The following JAK1 variants were observed in gnomAD, a reference collection of about 807,000 sequenced individuals.
The protein encoded by JAK1 is Janus kinase 1, also known as tyrosine-protein kinase JAK1.
JAK1 carries 16 observed loss-of-function variants against 136.6 expected under a neutral mutation model. The ratio of observed to expected loss-of-function variants is 0.12; its 90% confidence interval spans 0.08 to 0.18. JAK1 has a LOEUF of 0.18. Among genes scored for constraint, JAK1 ranks in the 10% least tolerant of loss-of-function variants. JAK1 has a pLI of 1.00. For synonymous variants in JAK1, 492 were observed against 519.5 expected, an observed-to-expected ratio of 0.95 and a Z score of 0.72; for missense variants, 859 against 1,450.1, an observed-to-expected ratio of 0.59 and a Z score of 6.62.
intron 2 of JAK1, among the ~76,000 whole-genome samples, chr1:65,039,603 C>T (rs1288243379): frequency 6.6e-6 from 1 of 152,166 alleles, no homozygotes; most frequent in East Asian, 1.9e-4. Flanking sequence ...ACTATGGCTT[C>T]TCTCAAATTA....
Position 65,047,052 on chromosome 1 carries a change from C to T in JAK1, c.-180-2470G>A, listed in dbSNP as rs576303983. 3.5e-4 allele frequency among the ~76,000 whole-genome samples: 53 copies of T among 151,816 alleles called. No homozygotes were observed. In the South Asian group the frequency reaches 0.011, roughly 30 times the overall value. ...TAGGAAAAAAAAAATAGCTAGGCAT[C>T]TTGGCACATACCTGTAGTCCTAGTT... is the stretch of plus-strand genomic sequence containing the variant. On this transcript the variant is annotated intron_variant, in intron 1 of 25. Coordinates refer to the JAK1 transcript ENST00000671954.
chr1:64,845,001 A>G lies in JAK1; in HGVS notation c.2116-112T>C, dbSNP rs942444687. ...CCCCCAGCTACAGCCAGATCTGGACAGCCTGGCCCTGCTGCCAATCATCTG... is the reference window on the plus strand; with the variant it reads ...CCCCCAGCTACAGCCAGATCTGGACGGCCTGGCCCTGCTGCCAATCATCTG... On this transcript the variant is annotated intron_variant, in intron 15 of 24. Coordinates refer to ENST00000342505, the MANE Select transcript of JAK1 (RefSeq NM_002227.4). The G allele has an allele frequency of 2.3e-5, 32 of 1,414,298 alleles. No homozygotes were observed. The East Asian group carries it at 5.5e-4, about 24-fold the overall frequency. 87.6% of individuals were successfully genotyped at this position (1,414,298 alleles called of 1,614,324 possible).
At chr1:65,067,327 C>A (rs1370399384) in intron 1 of JAK1, among the ~76,000 whole-genome samples, 1 of 149,894 alleles carries the variant, frequency 6.7e-6, no homozygotes, top group Non-Finnish European at 1.5e-5. Flanking sequence ...CCGAGCCCCA[C>A]GGCTGCGTGT....
In JAK1 at chr1:64,855,707, GA is replaced by G. The variant is rs2101051273; in HGVS notation, c.1459-10del. 2 of 1,606,898 alleles carry G rather than the reference GA, an allele frequency of 1.2e-6. No individual in the cohort carries two copies. The highest frequency in any genetic ancestry group is 8.5e-7 in the Non-Finnish European group (1 of 1,174,386). On this transcript the variant is annotated splice_polypyrimidine_tract_variant and intron_variant, in intron 10 of 24. Coordinates refer to ENST00000342505, the MANE Select transcript of JAK1 (RefSeq NM_002227.4). ...TGGGCACCCTGCACCTGCTATTCGG[GA>G]AATGACCAGAAATTACATGTTTAAA... is the stretch of plus-strand genomic sequence containing the variant.
At chr1:64,903,847 A>G (rs1034396806) in intron 1 of JAK1, among the ~76,000 whole-genome samples, 3 of 152,210 alleles carry the variant, frequency 2.0e-5, no homozygotes, top group Middle Eastern at 3.2e-3. Flanking sequence ...GGTCAGAAAT[A>G]ATGTCCAATC....
chr1:64,844,013 G>A lies in JAK1; in HGVS notation c.2403+51C>T, dbSNP rs772704826. On this transcript the variant is annotated intron_variant, in intron 17 of 24. Transcript: ENST00000342505. The surrounding 1 kb of genome is among the most constrained non-coding windows in gnomAD (Gnocchi z 5.7). ...TTCCGACAACTCCTGGGAAGCCCACGAGCACCTGAAAGCCCTCACTTGCCT... is the reference window on the plus strand; with the variant it reads ...TTCCGACAACTCCTGGGAAGCCCACAAGCACCTGAAAGCCCTCACTTGCCT... 8.1e-6 allele frequency: 13 copies of A among 1,605,384 alleles called. No individual in the cohort carries two copies. Among genetic ancestry groups the A allele is most frequent in the South Asian group, 6.6e-5 (6 of 90,488 alleles).
At chr1:64,992,365 G>C (rs986783129) in intron 2 of JAK1, 4 of 151,310 alleles carry the variant, frequency 2.6e-5, no homozygotes, top group African/African-American at 9.7e-5. Context: ...GGGCAACAGA[G>C]TGAGAGTCGG....
intron 8 of JAK1, 22 bp from the exon 9 acceptor site, chr1:64,860,284 C>G (rs777442845): frequency 2.5e-6 from 4 of 1,588,310 alleles, no homozygotes; most frequent in Non-Finnish European, 3.4e-6. Flanking sequence ...GAAGAAATTC[C>G]CACGGTTACA....
chr1:64,990,919 C>CAAAAAAAAAA (rs1173485942), intron 2 of JAK1: 16 of 44,142 alleles, frequency 3.6e-4, no homozygotes, highest in East Asian at 8.0e-4. Flanking sequence ...GACTCCGTCT[C>CAAAAAAAAAA]AAAAAAAAAA....
At chr1:65,063,356 G>C (rs907662720) in intron 1 of JAK1, among the ~76,000 whole-genome samples, 4 of 152,194 alleles carry the variant, frequency 2.6e-5, no homozygotes, top group African/African-American at 9.7e-5. Flanking sequence ...ACCCCTGCTA[G>C]CCGTTCTAGA....
chr1:64,838,898 C>G (rs1490227309), intron 20 of JAK1, among the ~76,000 whole-genome samples: 1 of 152,044 alleles, frequency 6.6e-6, no homozygotes, highest in East Asian at 1.9e-4. Context: ...GTAATCCCAG[C>G]ACTTTGGGAG....
intron 1 of JAK1, among the ~76,000 whole-genome samples, chr1:65,045,983 A>T (rs1385149409): frequency 6.6e-6 from 1 of 152,214 alleles, no homozygotes; most frequent in Non-Finnish European, 1.5e-5. Flanking sequence ...ATCATATCTA[A>T]GAATATGGTT....
At chr1:64,912,815 T>C (rs1348134161) in intron 1 of JAK1, among the ~76,000 whole-genome samples, 2 of 152,198 alleles carry the variant, frequency 1.3e-5, no homozygotes, top group African/African-American at 2.4e-5. Context: ...CATTTAGGCT[T>C]TGAAGATGCA....
chr1:65,061,406 G>T (rs1647786379), intron 1 of JAK1, among the ~76,000 whole-genome samples: 1 of 152,154 alleles, frequency 6.6e-6, no homozygotes, highest in South Asian at 2.1e-4. Flanking sequence ...ATCAATCAAT[G>T]TGGAGTACAA....
chr1:64,834,784 CAA>C (rs779813010), intron 24 of JAK1, 127 bp from the exon 25 acceptor site: 6 of 638,910 alleles, frequency 9.4e-6, no homozygotes, highest in Non-Finnish European at 1.7e-5. Context: ...ACTAGAAAAA[CAA>C]GAGTATTTGA....
intron 2 of JAK1, among the ~76,000 whole-genome samples, chr1:65,038,242 A>G (rs138803930): frequency 0.015 from 2,023 of 134,394 alleles, 51 homozygotes; most frequent in African/African-American, 0.055. Flanking sequence ...CTTGTTGCCC[A>G]GGCTGGAGTA....
intron 14 of JAK1, among the ~76,000 whole-genome samples, chr1:64,845,989 A>G (rs555927769): frequency 2.2e-4 from 34 of 152,338 alleles, no homozygotes; most frequent in African/African-American, 7.2e-4. Context: ...GCTGTTCTAC[A>G]ACACACTGTG....
chr1:64,901,273 A>C (rs1431271896), intron 1 of JAK1, among the ~76,000 whole-genome samples: 3 of 152,226 alleles, frequency 2.0e-5, no homozygotes, highest in Non-Finnish European at 2.9e-5. Flanking sequence ...CCATGCAGAC[A>C]CCATAGACCA....
rs867040248 is a variant in JAK1, at chr1:65,056,273, G to A, written c.-181+11331C>T. On this transcript the variant is annotated intron_variant, in intron 1 of 25. Transcript: ENST00000671954. Reference sequence around the variant, plus strand: ...GCTTAGAGAAATTGTGGATCTATGAGGACATGTGAAGGTACTGGGCTATAA... The same window carrying A: ...GCTTAGAGAAATTGTGGATCTATGAAGACATGTGAAGGTACTGGGCTATAA... 5.9e-5 allele frequency among the ~76,000 whole-genome samples: 9 copies of A among 152,332 alleles called. 2 individuals are homozygous for A. The highest frequency in any genetic ancestry group is 6.8e-3 in the Middle Eastern group (2 of 294).
Sources: gnomAD v4.1 joint callset for allele counts (sites outside exome capture counted in the v4.1 genomes callset) on GRCh38, gnomAD v4.1.1 for gene constraint, Gnocchi (gnomAD v3.1) non-coding constraint, MANE v1.5 for transcripts, NCBI Gene and HGNC (gene_info 2026-07-23, HGNC 2026-07-21) for gene names.